The following TMCC1 variants were observed in gnomAD, a reference collection of about 807,000 sequenced individuals.
TMCC1 encodes the protein transmembrane and coiled-coil domain family 1.
A neutral mutation model predicts 52.4 loss-of-function variants in TMCC1; 15 were observed. The ratio of observed to expected loss-of-function variants is 0.29; its 90% CI spans 0.19 to 0.44. The LOEUF is 0.44. Ranked by LOEUF, TMCC1 falls within the 20% of genes least tolerant of loss-of-function variation. TMCC1 has a pLI of 1.00. For missense variants in TMCC1, 503 were observed against 806.0 expected, an observed-to-expected ratio of 0.62 and a Z score of 4.55; for synonymous variants, 279 against 301.9, an observed-to-expected ratio of 0.92 and a Z score of 0.79.
chr3:129,761,667 C>A (rs937819738), intron 4 of TMCC1, among the ~76,000 whole-genome samples: 2 of 152,058 alleles, frequency 1.3e-5, no homozygotes, highest in Non-Finnish European at 2.9e-5. Flanking sequence ...CTTAGATTAA[C>A]AAGAGACTCC....
At chr3:129,835,195 C>A (rs2059101485) in intron 2 of TMCC1, among the ~76,000 whole-genome samples, 1 of 152,086 alleles carries the variant, frequency 6.6e-6, no homozygotes, top group Admixed American at 6.6e-5. Context: ...TCTTGAAATC[C>A]TTTTTCCTAA....
At chr3:129,763,309 G>A (rs1255560613) in intron 4 of TMCC1, among the ~76,000 whole-genome samples, 2 of 149,770 alleles carry the variant, frequency 1.3e-5, no homozygotes, top group Admixed American at 6.6e-5. Flanking sequence ...TTGGGGAGCC[G>A]AAGGGGACGG....
chr3:129,669,437 T>C, intron 5 of TMCC1, among the ~76,000 whole-genome samples: 1 of 144,246 alleles, frequency 6.9e-6, no homozygotes, highest in South Asian at 2.2e-4. Flanking sequence ...TAGAAAAAAA[T>C]TTTTTTTTTT....
intron 4 of TMCC1, among the ~76,000 whole-genome samples, chr3:129,684,478 G>T (rs1021937715): frequency 1.3e-5 from 2 of 152,158 alleles, no homozygotes; most frequent in African/African-American, 4.8e-5. Context: ...CATTTCTCCT[G>T]CAGTGTAGTC....
At chr3:129,680,064 A>G (rs1044515840) in intron 4 of TMCC1, among the ~76,000 whole-genome samples, 37 of 152,344 alleles carry the variant, frequency 2.4e-4, no homozygotes, top group African/African-American at 7.5e-4. Context: ...CAGACATTTT[A>G]TAATTTTTTA....
At chr3:129,754,522 T>C (rs927298212) in intron 4 of TMCC1, among the ~76,000 whole-genome samples, 20 of 152,036 alleles carry the variant, frequency 1.3e-4, no homozygotes, top group African/African-American at 4.8e-4. Flanking sequence ...GGTCCACAGA[T>C]CAATGGAATA....
chr3:129,889,045 G>C (rs2061846591), intron 1 of TMCC1, among the ~76,000 whole-genome samples: 1 of 152,148 alleles, frequency 6.6e-6, no homozygotes, highest in South Asian at 2.1e-4. Context: ...GCTGAGGAGG[G>C]TGGATTGCTT....
chr3:129,662,619 G>A (rs368044199), intron 5 of TMCC1, among the ~76,000 whole-genome samples: 1 of 152,118 alleles, frequency 6.6e-6, no homozygotes, highest in South Asian at 2.1e-4. Flanking sequence ...GCCTGGGCAA[G>A]AGTGAGACTC....
intron 2 of TMCC1, among the ~76,000 whole-genome samples, chr3:129,849,268 G>C (rs912456948): frequency 1.1e-4 from 16 of 151,982 alleles, no homozygotes; most frequent in Admixed American, 6.6e-4. Flanking sequence ...TTCGAGACCA[G>C]CCTGGCCAAC....
chr3:129,807,632 C>T (rs1404023442), intron 4 of TMCC1, among the ~76,000 whole-genome samples: 2 of 152,084 alleles, frequency 1.3e-5, no homozygotes, highest in Non-Finnish European at 2.9e-5. Flanking sequence ...AGGTGATACC[C>T]AGAGGGTCAA....
At chr3:129,700,548 C>T (rs982758048) in intron 4 of TMCC1, among the ~76,000 whole-genome samples, 60 of 152,152 alleles carry the variant, frequency 3.9e-4, no homozygotes, top group Non-Finnish European at 1.5e-5. Context: ...GCAATCTCGG[C>T]TCACTGCAAC....
chr3:129,752,480 C>T (rs151244607), intron 4 of TMCC1, among the ~76,000 whole-genome samples: 158 of 152,244 alleles, frequency 1.0e-3, no homozygotes, highest in African/African-American at 3.4e-3. Flanking sequence ...TTGAAAATGA[C>T]TAATGAATGA....
intron 4 of TMCC1, among the ~76,000 whole-genome samples, chr3:129,822,971 T>C (rs1310951190): frequency 6.6e-6 from 1 of 152,200 alleles, no homozygotes; most frequent in African/African-American, 2.4e-5. Flanking sequence ...CAGGGTTTCT[T>C]ATCCCAGTAA....
At chr3:129,759,560 G>A (rs1022485741) in intron 4 of TMCC1, among the ~76,000 whole-genome samples, 3 of 147,590 alleles carry the variant, frequency 2.0e-5, no homozygotes, top group African/African-American at 7.4e-5. Flanking sequence ...GAGCCACCAT[G>A]CCAGGCCTAT....
At chr3:129,817,595 C>T (rs1478595609) in intron 4 of TMCC1, among the ~76,000 whole-genome samples, 2 of 152,058 alleles carry the variant, frequency 1.3e-5, no homozygotes, top group East Asian at 3.9e-4. Context: ...AGAGACTATC[C>T]CACATCTTCA....
In TMCC1 at chr3:129,862,099, G is replaced by A. The variant is rs145069660; in HGVS notation, c.-184+18210C>T. On this transcript the variant is annotated intron_variant, in intron 2 of 6. Transcript: ENST00000393238. ...GTTGAAATTATGCTAAGTAAAAGAA[G>A]CCAGTCACAAAGGACCACATATGGT... Among the ~76,000 whole-genome samples, 692 of 152,260 alleles carry A rather than the reference G, an allele frequency of 4.5e-3. 7 individuals carry two copies. Among genetic ancestry groups the A allele is most frequent in the African/African-American group, 0.016 (659 of 41,550 alleles).
intron 4 of TMCC1, chr3:129,819,637 T>A (rs2107813318): frequency 6.6e-6 from 1 of 152,326 alleles, no homozygotes; most frequent in Admixed American, 6.5e-5. Flanking sequence ...AAAGGTCTAT[T>A]CACTACTGTA....
At chr3:129,865,889 C>G (rs1362150822) in intron 2 of TMCC1, among the ~76,000 whole-genome samples, 4 of 152,158 alleles carry the variant, frequency 2.6e-5, no homozygotes, top group Non-Finnish European at 5.9e-5. Context: ...AGAAGACACA[C>G]TAGGTTTCAG....
intron 4 of TMCC1, among the ~76,000 whole-genome samples, chr3:129,762,786 A>G (rs903723425): frequency 1.3e-5 from 2 of 152,154 alleles, no homozygotes; most frequent in African/African-American, 4.8e-5. Context: ...TGTCTCAAAA[A>G]AAGTTTCTAA....
Sources: allele counts gnomAD v4.1 joint callset (sites outside exome capture counted in the v4.1 genomes callset), GRCh38; gene constraint gnomAD v4.1.1; transcripts MANE v1.5; gene names NCBI Gene and HGNC (gene_info 2026-07-23, HGNC 2026-07-21).